The following GHITM variants were observed in gnomAD, a reference collection of about 807,000 sequenced individuals.
The protein encoded by GHITM is growth hormone inducible transmembrane protein.
In GHITM, 24 loss-of-function variants were observed where a neutral mutation model predicts 38.7. The observed-to-expected ratio is 0.62, with a 90% confidence interval of 0.45 to 0.87. The LOEUF is 0.87. Ranked by LOEUF, GHITM falls within the 40% of genes least tolerant of loss-of-function variation. GHITM has a pLI of 0.00. For synonymous variants in GHITM, 154 were observed against 147.8 expected (o/e 1.04, Z -0.30); for missense variants, 420 against 429.8 (o/e 0.98, Z 0.20).
chr10:84,141,884 A>C (rs934096377), intron 2 of GHITM, among the ~76,000 whole-genome samples: 3 of 152,148 alleles, frequency 2.0e-5, no homozygotes, highest in African/African-American at 7.2e-5. Flanking sequence ...TTTAGAGTAC[A>C]TTGTGAGGGA....
rs1841595137 is a variant in GHITM at position 84,149,945 on chromosome 10, A to G, written c.593-110A>G. 5 of 866,194 alleles carry G rather than the reference A, an allele frequency of 5.8e-6. No homozygotes were observed. In the East Asian group the frequency reaches 1.2e-4, roughly 20 times the overall value. 53.7% of individuals were successfully genotyped at this position (866,194 alleles called of 1,614,324 possible). A position where few individuals can be genotyped will look rare whatever the true frequency, so the allele number is the denominator to read the frequency against. On this transcript the variant is annotated intron_variant, in intron 6 of 8. Transcript: ENST00000372134. Reference sequence around the variant, plus strand: ...ATTATCTAAAGGCAGAACTTTTTGAATCATAGTGCTTAAACAGTAAGGTAT... The same window carrying G: ...ATTATCTAAAGGCAGAACTTTTTGAGTCATAGTGCTTAAACAGTAAGGTAT...
At chr10:84,144,835 T>C (rs776506471) in intron 4 of GHITM, 40 bp from the exon 5 acceptor site, 2 of 1,477,562 alleles carry the variant, frequency 1.4e-6, no homozygotes, top group African/African-American at 2.8e-5. Context: ...AGAAATCAAA[T>C]CTGTAATTTC....
chr10:84,144,984 C>G lies in GHITM; in HGVS notation c.451C>G (p.Leu151Val). The G allele has an allele frequency of 1.2e-6, 2 of 1,611,706 alleles. No individual in the cohort carries two copies. The highest frequency in any genetic ancestry group is 1.7e-6 in the Non-Finnish European group (2 of 1,178,458). Residue 151 changes from leucine to valine, a missense_variant, in exon 5 of 9, where the codon CTC becomes GTC. By Grantham distance (32) the Leu-to-Val change is conservative. Transcript: ENST00000372134. ...CATAGCAATCAGCAGAACGCCTGTT[C>G]TCATGAACTTCATGATGAGAGGCTC... ...SAIAISRTPV[L>V]MNFMMRGSWV...
intron 8 of GHITM, among the ~76,000 whole-genome samples, chr10:84,151,356 C>T (rs539463632): frequency 1.3e-5 from 2 of 152,170 alleles, no homozygotes; most frequent in East Asian, 3.9e-4. Context: ...AGTAAACTAT[C>T]CAAAAAAACC....
intron 1 of GHITM, chr10:84,140,147 C>A (rs1355887849): frequency 2.6e-5 from 4 of 152,324 alleles, no homozygotes; most frequent in African/African-American, 7.2e-5. Context: ...TGGGCTGTTA[C>A]GCCACATGGA....
chr10:84,144,800 C>T (rs578054859), intron 4 of GHITM, 75 bp from the exon 5 acceptor site: 32 of 899,272 alleles, frequency 3.6e-5, no homozygotes, highest in Middle Eastern at 2.3e-4. Context: ...ATCCCGAGGT[C>T]GCCCAGCTAG....
In GHITM at chr10:84,144,882, C is replaced by A; in HGVS notation, c.349C>A (p.Pro117Thr). Residue 117 changes from proline (P) to threonine (T), a missense_variant, in exon 5 of 9, where the codon CCT becomes ACT. Coordinates refer to ENST00000372134, the MANE Select transcript of GHITM (RefSeq NM_014394.3). The part of the protein sequence containing the change: ...IGAIEKAVIW[P>T]QYVKDRIHST... ...ATGTCATGTTTCTTACAGAATTTGGCCTCAGTATGTCAAGGATAGAATTCA... is the reference window on the plus strand; with the variant it reads ...ATGTCATGTTTCTTACAGAATTTGGACTCAGTATGTCAAGGATAGAATTCA... 1 of 1,570,694 alleles carries A rather than the reference C, an allele frequency of 6.4e-7. No individual in the cohort carries two copies. Among genetic ancestry groups the A allele is most frequent in the Non-Finnish European group, 8.7e-7 (1 of 1,153,410 alleles).
In GHITM at chr10:84,144,925, T is replaced by C. The variant is rs1841543561; in HGVS notation, c.392T>C (p.Leu131Ser). The C allele has an allele frequency of 1.9e-6, 3 of 1,609,726 alleles. No individual in the cohort carries two copies. The highest frequency in any genetic ancestry group is 2.2e-5 in the South Asian group (2 of 90,850). ...KDRIHSTYMY[L>S]AGSIGLTALS... ...AGAATTCATTCCACCTATATGTACT[T>C]AGCAGGGAGTATTGGTTTAACAGCT... Residue 131 changes from leucine to serine, a missense_variant, in exon 5 of 9, where the codon TTA becomes TCA. Transcript: ENST00000372134.
At chr10:84,139,746 G>A (rs1841486553) in intron 1 of GHITM, 153 bp downstream of exon 1, 1 of 153,278 alleles carries the variant, frequency 6.5e-6, no homozygotes, top group Admixed American at 6.5e-5. Context: ...CAGTCCTGTG[G>A]GTGACCTGGT....
In GHITM at chr10:84,144,118, G is replaced by A. The variant is rs1841534001; in HGVS notation, c.341+12G>A. On this transcript the variant is annotated intron_variant, in intron 4 of 8. Transcript: ENST00000372134. The stretch of plus-strand genomic sequence containing the variant: ...ATTGAAAAGGCTGTGTAAGTAAATT[G>A]TTTTAAGTAAACTGTTCCTAAACAA... 4 of 1,548,258 alleles carry A rather than the reference G, an allele frequency of 2.6e-6. No individual in the cohort carries two copies. Among genetic ancestry groups the A allele is most frequent in the Non-Finnish European group, 3.6e-6 (4 of 1,120,322 alleles).
At chr10:84,147,856 G>C (rs1841571282) in intron 5 of GHITM, among the ~76,000 whole-genome samples, 1 of 152,152 alleles carries the variant, frequency 6.6e-6, no homozygotes, top group Non-Finnish European at 1.5e-5. Flanking sequence ...ACCTGGAAGG[G>C]TAGAAGTGTA....
chr10:84,146,589 G>T (rs1841558720), intron 5 of GHITM, among the ~76,000 whole-genome samples: 1 of 152,184 alleles, frequency 6.6e-6, no homozygotes. Flanking sequence ...GAATCTCCCA[G>T]CCCAGAGGTT....
At chr10:84,148,882 C>A (rs1387918544) in intron 6 of GHITM, 44 bp downstream of exon 6, 2 of 1,183,150 alleles carry the variant, frequency 1.7e-6, no homozygotes, top group African/African-American at 3.0e-5. Flanking sequence ...TTGACTACCA[C>A]CTTTTTTGGG....
Position 84,144,009 on chromosome 10 carries a change from A to G in GHITM, c.244A>G (p.Arg82Gly), listed in dbSNP as rs1169423079. 7 of 1,612,810 alleles carry G rather than the reference A, an allele frequency of 4.3e-6. No homozygotes were observed. In the African/African-American group the frequency reaches 5.3e-5, roughly 12 times the overall value. Residue 82 changes from arginine to glycine, a missense_variant, in exon 4 of 9, where the codon AGA becomes GGA. Arg to Gly is a moderately radical substitution (Grantham distance 125, BLOSUM62 -2). Coordinates refer to ENST00000372134, the MANE Select transcript of GHITM (RefSeq NM_014394.3). The part of the protein sequence containing the change: ...EKIFKIDQMG[R>G]WFVAGGAAVG... ...GTGTTCTGCAGTTGATCAGATGGGA[A>G]GATGGTTTGTTGCTGGAGGGGCTGC... is the stretch of plus-strand genomic sequence containing the variant.
intron 7 of GHITM, 88 bp from the exon 8 acceptor site, chr10:84,150,621 A>T: frequency 9.7e-7 from 1 of 1,034,594 alleles, no homozygotes; most frequent in East Asian, 2.6e-5. Flanking sequence ...TATACCAAGG[A>T]GATTTTTTTT....
At chr10:84,150,684 T>C (rs756225107) in intron 7 of GHITM, 25 bp from the exon 8 acceptor site, 1 of 1,560,832 alleles carries the variant, frequency 6.4e-7, no homozygotes, top group East Asian at 2.3e-5. Context: ...TTAAAAAAAA[T>C]CTTGTTTTCG....
In GHITM at chr10:84,153,494, C is replaced by G. The variant is rs1841630285; in HGVS notation, c.*1146C>G. On this transcript the variant is annotated 3_prime_UTR_variant, in exon 9 of 9. Transcript: ENST00000372134. ...TCTTACACTGCTACACCATTACTTT[C>G]TTGAGACATTTGTAAGTTCTTTGAT... Among the ~76,000 whole-genome samples, 4 of 152,304 alleles carry G rather than the reference C, an allele frequency of 2.6e-5. 1 individual carries two copies. In the South Asian group the frequency reaches 8.3e-4, roughly 32 times the overall value.
intron 5 of GHITM, among the ~76,000 whole-genome samples, chr10:84,147,972 A>AT (rs113950691): frequency 2.6e-5 from 4 of 152,000 alleles, no homozygotes; most frequent in African/African-American, 7.2e-5. Flanking sequence ...TGCTATATAT[A>AT]TTTTTTTTAA....
chr10:84,146,151 G>A (rs1208607329), intron 5 of GHITM, among the ~76,000 whole-genome samples: 1 of 152,106 alleles, frequency 6.6e-6, no homozygotes, highest in East Asian at 1.9e-4. Flanking sequence ...AATTTCAGAG[G>A]TGACTTACAA....
Sources: gnomAD v4.1 joint callset for allele counts (sites outside exome capture counted in the v4.1 genomes callset) on GRCh38, gnomAD v4.1.1 for gene constraint, MANE v1.5 for transcripts, NCBI Gene and HGNC (gene_info 2026-07-23, HGNC 2026-07-21) for gene names.